Variants in TRIO observed in about 807,000 individuals in gnomAD.
TRIO encodes trio Rho guanine nucleotide exchange factor.
Under a neutral mutation model 351.9 loss-of-function variants are expected in TRIO, and 58 were observed. The observed-to-expected ratio is 0.16, with a 90% confidence interval of 0.13 to 0.21. TRIO has a LOEUF of 0.21. Among genes scored for constraint, TRIO ranks in the 10% least tolerant of loss-of-function variants. The pLI is 1.00. For synonymous variants in TRIO, 1,758 were observed against 1,595.7 expected, an observed-to-expected ratio of 1.10 and a Z score of -2.42; for missense variants, 3,201 against 4,027.8, an observed-to-expected ratio of 0.79 and a Z score of 5.56.
intron 48 of TRIO, among the ~76,000 whole-genome samples, chr5:14,489,708 G>A (rs974873377): frequency 6.6e-6 from 1 of 152,166 alleles, no homozygotes; most frequent in Non-Finnish European, 1.5e-5. Context: ...AGTCTTCTCT[G>A]GACATTCATG....
intron 21 of TRIO, among the ~76,000 whole-genome samples, chr5:14,382,519 G>A (rs1042832213): frequency 6.6e-6 from 1 of 152,136 alleles, no homozygotes; most frequent in Admixed American, 6.5e-5. Context: ...GGCCCAGGGT[G>A]GGGGTGTGGT....
chr5:14,467,899 A>G (rs1178904557), intron 37 of TRIO, among the ~76,000 whole-genome samples: 1 of 152,218 alleles, frequency 6.6e-6, no homozygotes, highest in Non-Finnish European at 1.5e-5. Context: ...ACAAGTTGAT[A>G]AAACTGTCTA....
intron 44 of TRIO, 60 bp downstream of exon 44, chr5:14,481,344 A>C: frequency 1.3e-6 from 2 of 1,599,042 alleles, no homozygotes; most frequent in Non-Finnish European, 1.7e-6. Context: ...CCTAATCCCC[A>C]AGTGTCTCCT....
At chr5:14,391,386 G>A (rs1297772968) in intron 27 of TRIO, among the ~76,000 whole-genome samples, 1 of 152,156 alleles carries the variant, frequency 6.6e-6, no homozygotes, top group Non-Finnish European at 1.5e-5. Context: ...AAAAATAAAT[G>A]TGAATCTTTT....
At chr5:14,435,168 A>G (rs1269122462) in intron 34 of TRIO, among the ~76,000 whole-genome samples, 2 of 152,242 alleles carry the variant, frequency 1.3e-5, no homozygotes, top group South Asian at 2.1e-4. Context: ...AGGCTTGCAG[A>G]TGGTTTGAAG....
chr5:14,463,061 CA>C, intron 36 of TRIO, 136 bp downstream of exon 36: 1 of 1,139,390 alleles, frequency 8.8e-7, no homozygotes, highest in Non-Finnish European at 1.2e-6. Context: ...AGTGCTCTTT[CA>C]GGCAGCGTCA....
chr5:14,253,132 C>G (rs149117936), intron 1 of TRIO, among the ~76,000 whole-genome samples: 234 of 152,344 alleles, frequency 1.5e-3, no homozygotes, highest in Middle Eastern at 0.014. Flanking sequence ...AAAGGAAATG[C>G]TGATTTCAAA....
intron 21 of TRIO, among the ~76,000 whole-genome samples, chr5:14,385,229 G>A (rs1053822695): frequency 1.3e-5 from 2 of 152,202 alleles, no homozygotes; most frequent in Admixed American, 1.3e-4. Flanking sequence ...AGCAGTTCCA[G>A]GTCTCACAAT....
intron 1 of TRIO, among the ~76,000 whole-genome samples, chr5:14,174,033 T>A (rs1004212623): frequency 6.6e-6 from 1 of 152,228 alleles, no homozygotes; most frequent in Non-Finnish European, 1.5e-5. Flanking sequence ...CAGAGAAATA[T>A]GTCTGCTGAC....
intron 46 of TRIO, among the ~76,000 whole-genome samples, chr5:14,483,493 C>T: frequency 6.6e-6 from 1 of 152,238 alleles, no homozygotes; most frequent in Non-Finnish European, 1.5e-5. Flanking sequence ...GGACAGGGAA[C>T]TCTCAGACCG....
rs369871995 is a variant in TRIO at position 14,179,698 on chromosome 5, C to G, written c.157+35816C>G. ...TCCTGGGCTCAAGCCATCCTCCCAGCGTGCTGGAATTATAGGCATGAGCCA... is the reference window on the plus strand; with the variant it reads ...TCCTGGGCTCAAGCCATCCTCCCAGGGTGCTGGAATTATAGGCATGAGCCA... On this transcript the variant is annotated intron_variant, in intron 1 of 56. Transcript: ENST00000344204. 1.1e-3 allele frequency among the ~76,000 whole-genome samples: 173 copies of G among 152,264 alleles called. 2 individuals carry two copies. In the South Asian group the frequency reaches 0.014, roughly 12 times the overall value.
At chr5:14,180,105 A>C (rs1789673560) in intron 1 of TRIO, among the ~76,000 whole-genome samples, 1 of 148,396 alleles carries the variant, frequency 6.7e-6, no homozygotes, top group Non-Finnish European at 1.5e-5. Context: ...CTGCTCAAAA[A>C]AAAAAAAAAA....
chr5:14,328,491 C>G (rs1050103311), intron 9 of TRIO, among the ~76,000 whole-genome samples: 10 of 152,188 alleles, frequency 6.6e-5, no homozygotes, highest in African/African-American at 2.4e-4. Flanking sequence ...GCTCAATACA[C>G]GAGTTAAAAT....
intron 2 of TRIO, 147 bp downstream of exon 2, chr5:14,271,046 T>C (rs1056243482): frequency 1.6e-6 from 1 of 642,484 alleles, no homozygotes; most frequent in Non-Finnish European, 2.7e-6. Flanking sequence ...TAGCACTGTT[T>C]CTGAGAAATT....
intron 16 of TRIO, 24 bp downstream of exon 16, chr5:14,367,003 G>T (rs1348052614): frequency 1.2e-6 from 2 of 1,613,276 alleles, no homozygotes. Flanking sequence ...GCCTGCCTGT[G>T]TGTTGGCTCT....
Position 14,488,155 on chromosome 5 carries a change from C to T in TRIO, c.7527C>T (p.Leu2509=). 1 of 1,606,298 alleles carries T rather than the reference C, an allele frequency of 6.2e-7. No individual in the cohort carries two copies. Among genetic ancestry groups the T allele is most frequent in the South Asian group, 1.1e-5 (1 of 90,974 alleles). Residue 2509 remains leucine, a synonymous_variant, in exon 48 of 57, where the codon CTC becomes CTT. Coordinates refer to ENST00000344204, the MANE Select transcript of TRIO (RefSeq NM_007118.4). ...CCTTCCCGGGGGACAGCGACTCCCT[C>T]CAGCGGCAGACACCCCGCCACGCGG... ...SFTFPGDSDS[L]QRQTPRHAAP... is the part of the protein sequence containing the mutation.
intron 9 of TRIO, 135 bp from the exon 10 acceptor site, chr5:14,330,643 C>T: frequency 9.0e-7 from 1 of 1,106,296 alleles, no homozygotes; most frequent in Non-Finnish European, 1.2e-6. Context: ...ATTACTTCTT[C>T]CCATTTTTTT....
At chr5:14,307,284 C>G (rs1738457270) in intron 8 of TRIO, among the ~76,000 whole-genome samples, 1 of 152,302 alleles carries the variant, frequency 6.6e-6, no homozygotes, top group East Asian at 1.9e-4. Context: ...GCCACTGATC[C>G]TATTTCCCCA....
chr5:14,156,702 C>T (rs1467700487), intron 1 of TRIO, among the ~76,000 whole-genome samples: 3 of 152,308 alleles, frequency 2.0e-5, no homozygotes, highest in East Asian at 1.9e-4. Flanking sequence ...ACCCACACCA[C>T]GGTGATAAAT....
Sources: gnomAD v4.1 joint callset for allele counts (sites outside exome capture counted in the v4.1 genomes callset) on GRCh38, gnomAD v4.1.1 for gene constraint, MANE v1.5 for transcripts, NCBI Gene and HGNC (gene_info 2026-07-23, HGNC 2026-07-21) for gene names.